Variants in MAPKAPK3 observed in about 807,000 individuals in gnomAD.
MAPKAPK3 encodes MAP kinase-activated protein kinase 3.
Under a neutral mutation model 49.2 loss-of-function variants are expected in MAPKAPK3, and 35 were observed. The ratio of observed to expected loss-of-function variants is 0.71; its 90% CI spans 0.54 to 0.94. The LOEUF (loss-of-function observed/expected upper bound fraction) is 0.94. Among genes scored for constraint, MAPKAPK3 ranks in the 40% least tolerant of loss-of-function variants. MAPKAPK3 has a pLI of 0.00. For synonymous variants in MAPKAPK3, 178 were observed against 188.7 expected (o/e 0.94, Z 0.46); for missense variants, 398 against 493.1 (o/e 0.81, Z 1.83).
At chr3:50,644,201 C>T (rs2033237649) in intron 5 of MAPKAPK3, among the ~76,000 whole-genome samples, 1 of 152,236 alleles carries the variant, frequency 6.6e-6, no homozygotes, top group Non-Finnish European at 1.5e-5. Context: ...TGAGCACCTG[C>T]CTTGCTTCCC....
In MAPKAPK3 at chr3:50,648,140, T is replaced by A; in HGVS notation, c.*94T>A. Reference sequence around the variant, plus strand: ...CCAGGAGGGCCCAGGGTCATTCTTTTAACAAAAGGATTATTTTGTTGTGTT... The same window carrying A: ...CCAGGAGGGCCCAGGGTCATTCTTTAAACAAAAGGATTATTTTGTTGTGTT... On this transcript the variant is annotated 3_prime_UTR_variant, in exon 11 of 11. Transcript: ENST00000621469. 1 of 1,290,590 alleles carries A rather than the reference T, an allele frequency of 7.7e-7. No individual in the cohort carries two copies. Among genetic ancestry groups the A allele is most frequent in the Non-Finnish European group, 1.1e-6 (1 of 943,270 alleles). 79.9% of individuals were successfully genotyped at this position (1,290,590 alleles called of 1,614,324 possible). A position where few individuals can be genotyped will look rare whatever the true frequency, so the allele number is the denominator to read the frequency against.
chr3:50,639,789 C>T (rs1286009864), intron 2 of MAPKAPK3, among the ~76,000 whole-genome samples: 1 of 152,148 alleles, frequency 6.6e-6, no homozygotes, highest in African/African-American at 2.4e-5. Context: ...CGTGTTAGTG[C>T]ACCCTCTCCC....
chr3:50,640,679 T>C (rs992592062), intron 3 of MAPKAPK3, among the ~76,000 whole-genome samples, 174 bp downstream of exon 3: 2 of 152,058 alleles, frequency 1.3e-5, no homozygotes, highest in African/African-American at 4.8e-5. Flanking sequence ...ATCTATGGAG[T>C]TGGCCATAAG....
rs2033354236 is a variant in MAPKAPK3 at position 50,648,333 on chromosome 3, G to A, written c.*287G>A. 9.4e-6 allele frequency: 3 copies of A among 319,536 alleles called. No homozygotes were observed. The highest frequency in any genetic ancestry group is 4.8e-5 in the South Asian group (1 of 20,988). The allele number at this position is 319,536 out of a possible 1,614,324, so 19.8% of individuals were successfully genotyped here. On this transcript the variant is annotated 3_prime_UTR_variant, in exon 11 of 11. Coordinates refer to ENST00000621469, the MANE Select transcript of MAPKAPK3 (RefSeq NM_001243925.2). ...TTGGCCCGAGTGAGGCCTCTGTGCT[G>A]TCCTGCCCTGGTGCATGGCCTTAGC...
At chr3:50,632,901 G>T (rs544224010) in intron 2 of MAPKAPK3, among the ~76,000 whole-genome samples, 1 of 152,238 alleles carries the variant, frequency 6.6e-6, no homozygotes, top group African/African-American at 2.4e-5. Flanking sequence ...GCTGGATGGG[G>T]ACACCCATGT....
upstream of MAPKAPK3, among the ~76,000 whole-genome samples, chr3:50,613,151 C>A (rs2032379036): frequency 6.6e-6 from 1 of 152,030 alleles, no homozygotes; most frequent in South Asian, 2.1e-4. Flanking sequence ...CCAGTGTGTG[C>A]CCCCAGGGTC....
intron 2 of MAPKAPK3, among the ~76,000 whole-genome samples, chr3:50,635,948 C>CAAAAAAAA (rs1179334515): frequency 1.1e-5 from 1 of 95,220 alleles, no homozygotes; most frequent in Non-Finnish European, 2.3e-5. Context: ...AAAAAAAAAC[C>CAAAAAAAA]AAAAAAAAAA....
upstream of MAPKAPK3, among the ~76,000 whole-genome samples, chr3:50,615,599 G>A (rs967725951): frequency 8.5e-5 from 13 of 152,166 alleles, no homozygotes; most frequent in African/African-American, 3.1e-4. Flanking sequence ...ACCTCTCTGG[G>A]CTTTTCTGTC....
rs1053429968 is a variant in MAPKAPK3, at chr3:50,647,831, G to C, written c.997-63G>C. The C allele has an allele frequency of 4.0e-6, 6 of 1,501,720 alleles. No individual in the cohort carries two copies. The African/African-American group carries it at 7.0e-5, about 17-fold the overall frequency. The allele number at this position is 1,501,720 out of a possible 1,614,324, so 93.0% of individuals were successfully genotyped here. On this transcript the variant is annotated intron_variant, in intron 10 of 10. Coordinates refer to ENST00000621469, the MANE Select transcript of MAPKAPK3 (RefSeq NM_001243925.2). Reference sequence around the variant, plus strand: ...ATTAAGGGGCTGCCCAGGCAGGGGGGTGATGGTTCCTAAGGTCAGTACATC... The same window carrying C: ...ATTAAGGGGCTGCCCAGGCAGGGGGCTGATGGTTCCTAAGGTCAGTACATC...
chr3:50,611,748 G>T, upstream of MAPKAPK3: 1 of 1,381,426 alleles, frequency 7.2e-7, no homozygotes, highest in Admixed American at 3.8e-5. Flanking sequence ...GTAGGCTCCC[G>T]GGGCGCGCGG....
rs753884487 is a variant in MAPKAPK3 at position 50,617,652 on chromosome 3, G to A, written c.87G>A (p.Gly29=). 1.2e-6 allele frequency: 2 copies of A among 1,610,532 alleles called. No individual in the cohort carries two copies. Among genetic ancestry groups the A allele is most frequent in the Admixed American group, 3.3e-5 (2 of 60,028 alleles). The change falls in exon 2 of 11, where the codon GGG becomes GGA. Residue 29 remains glycine (G), a synonymous_variant. Coordinates refer to ENST00000621469, the MANE Select transcript of MAPKAPK3 (RefSeq NM_001243925.2). The part of the protein sequence containing the change: ...PGGPGLGGAP[G]GRREPKKYAV... ...GACCCGGCTTGGGCGGTGCTCCGGGGGGGCGGCGGGAGCCCAAGAAGTACG... is the reference window on the plus strand; with the variant it reads ...GACCCGGCTTGGGCGGTGCTCCGGGAGGGCGGCGGGAGCCCAAGAAGTACG...
At chr3:50,615,877 T>G (rs560190369), upstream of MAPKAPK3, among the ~76,000 whole-genome samples, 2 of 152,358 alleles carry the variant, frequency 1.3e-5, no homozygotes, top group South Asian at 4.1e-4. Flanking sequence ...GTAGCACCCT[T>G]TCAGTCACTC....
chr3:50,615,357 T>C (rs2032439262), upstream of MAPKAPK3, among the ~76,000 whole-genome samples: 1 of 152,216 alleles, frequency 6.6e-6, no homozygotes, highest in Non-Finnish European at 1.5e-5. Context: ...GCATGTGTGT[T>C]ATATGCATGT....
chr3:50,619,601 T>C (rs1033996991), intron 2 of MAPKAPK3, among the ~76,000 whole-genome samples: 6 of 151,980 alleles, frequency 3.9e-5, no homozygotes, highest in African/African-American at 1.5e-4. Context: ...GCAGGCTGGG[T>C]GGGTGAGGGA....
intron 2 of MAPKAPK3, among the ~76,000 whole-genome samples, chr3:50,636,713 G>A (rs556441148): frequency 1.3e-5 from 2 of 152,306 alleles, no homozygotes; most frequent in African/African-American, 4.8e-5. Context: ...ACATTGAGGT[G>A]GACCACATTG....
At chr3:50,646,345 C>A in intron 8 of MAPKAPK3, 81 bp downstream of exon 8, 1 of 1,586,736 alleles carries the variant, frequency 6.3e-7, no homozygotes, top group Non-Finnish European at 8.6e-7. Flanking sequence ...TGGTGTCAAA[C>A]TGACCTGTGT....
chr3:50,612,367 C>T (rs1211742685), upstream of MAPKAPK3: 1 of 152,108 alleles, frequency 6.6e-6, no homozygotes, highest in African/African-American at 2.4e-5. Context: ...ACGGCCGCTC[C>T]TGGACCCTAG....
intron 6 of MAPKAPK3, among the ~76,000 whole-genome samples, chr3:50,645,104 C>T (rs1318833716): frequency 6.6e-6 from 1 of 152,130 alleles, no homozygotes; most frequent in African/African-American, 2.4e-5. Flanking sequence ...TGACAGAGGG[C>T]TTTTCTCCCT....
chr3:50,617,993 A>T (rs145010876), intron 2 of MAPKAPK3, among the ~76,000 whole-genome samples: 7 of 152,334 alleles, frequency 4.6e-5, no homozygotes, highest in Non-Finnish European at 1.0e-4. Flanking sequence ...TGAGTGTCCC[A>T]GTGAGCAAGG....
Sources: gnomAD v4.1 joint callset for allele counts (sites outside exome capture counted in the v4.1 genomes callset) on GRCh38, gnomAD v4.1.1 for gene constraint, MANE v1.5 for transcripts, NCBI Gene and HGNC (gene_info 2026-07-23, HGNC 2026-07-21) for gene names.